TECR: variants seen among roughly 807,000 people sequenced by gnomAD.
TECR encodes the protein trans-2,3-enoyl-CoA reductase.
Under a neutral mutation model 50.6 loss-of-function variants are expected in TECR, and 19 were observed. The observed-to-expected ratio is 0.38, with a 90% confidence interval of 0.26 to 0.55. TECR has a LOEUF of 0.55. Ranked by LOEUF, TECR falls within the 20% of genes least tolerant of loss-of-function variation. The probability of loss-of-function intolerance (pLI) is 0.79; values close to 1 mark genes in which losing one functional copy is unlikely to be tolerated. For missense variants in TECR, 313 were observed against 408.3 expected (o/e 0.77, Z 2.01); for synonymous variants, 168 against 163.5 (o/e 1.03, Z -0.21).
At chr19:14,558,868 G>A (rs1041113518) in intron 1 of TECR, among the ~76,000 whole-genome samples, 10 of 152,124 alleles carry the variant, frequency 6.6e-5, no homozygotes, top group Non-Finnish European at 1.5e-5. Flanking sequence ...CCACCTCCCC[G>A]TCTGTGCTCA....
chr19:14,561,991 A>C, intron 1 of TECR: 3 of 237,016 alleles, frequency 1.3e-5, no homozygotes, highest in Non-Finnish European at 1.7e-5. Flanking sequence ...GGGGGCTGGG[A>C]GGTGTTGTCA....
chr19:14,564,980 C>T lies in TECR; in HGVS notation c.594C>T (p.Leu198=), dbSNP rs1489403921. The T allele has an allele frequency of 1.2e-6, 2 of 1,613,894 alleles. No homozygotes were observed. The highest frequency in any genetic ancestry group is 2.2e-5 in the South Asian group (2 of 91,086). ...GAGCTCAGCAGGTGAAACTGGCGCTCGCCATCTTTGTGGTAAGGAGGCTGG... is the reference window on the plus strand; with the variant it reads ...GAGCTCAGCAGGTGAAACTGGCGCTTGCCATCTTTGTGGTAAGGAGGCTGG... ...TYGAQQVKLA[L]AIFVICQLGN... The change falls in exon 9 of 13, where the codon CTC becomes CTT. Residue 198 remains leucine, a synonymous_variant. Transcript: ENST00000215567.
intron 1 of TECR, chr19:14,545,207 T>TCTGCTCCAGCCTGCTGCTTAG (rs1568408291): frequency 2.2e-6 from 1 of 456,744 alleles, no homozygotes; most frequent in South Asian, 1.5e-5. Flanking sequence ...TTGTCTTGGC[T>TCTGCTCCAGCCTGCTGCTTAG]CTGCTCCAGC....
intron 1 of TECR, among the ~76,000 whole-genome samples, chr19:14,550,470 C>G (rs531758230): frequency 5.9e-5 from 9 of 152,230 alleles, no homozygotes; most frequent in African/African-American, 2.2e-4. Context: ...GGCTCAGCCT[C>G]TGGCCCCCTT....
intron 7 of TECR, 48 bp downstream of exon 7, chr19:14,564,335 ACCCCGCCCCG>A: frequency 3.1e-6 from 3 of 959,738 alleles, no homozygotes; most frequent in Non-Finnish European, 2.5e-6. Flanking sequence ...TTTCTGCCCC[ACCCCGCCCCG>A]CCCCCACCGA....
chr19:14,534,924 C>G (rs1254850212), intron 1 of TECR, among the ~76,000 whole-genome samples: 1 of 152,174 alleles, frequency 6.6e-6, no homozygotes, highest in Non-Finnish European at 1.5e-5. Context: ...TGATGCTGCC[C>G]TAGGACAGCT....
chr19:14,565,850 C>T lies in TECR; in HGVS notation c.906C>T (p.Pro302=), dbSNP rs766788636. 27 of 1,596,196 alleles carry T rather than the reference C, an allele frequency of 1.7e-5. No homozygotes were observed. Among genetic ancestry groups the T allele is most frequent in the Admixed American group, 3.5e-5 (2 of 57,336 alleles). ...EFRDYPPLRM[P]IIPFLL ...GGGACTACCCGCCCCTGCGCATGCC[C>T]ATCATCCCCTTCCTGCTCTGAGCGC... The change falls in exon 13 of 13, where the codon CCC becomes CCT. Residue 302 remains proline, a synonymous_variant. Coordinates refer to ENST00000215567, the MANE Select transcript of TECR (RefSeq NM_138501.6).
chr19:14,563,341 T>C lies in TECR; in HGVS notation c.118+84T>C. The C allele has an allele frequency of 1.5e-6, 2 of 1,301,232 alleles. No individual in the cohort carries two copies. The highest frequency in any genetic ancestry group is 2.4e-5 in the South Asian group (2 of 83,762). 80.6% of individuals were successfully genotyped at this position (1,301,232 alleles called of 1,614,324 possible). ...TGGGAGGGATCCCATCCTGCACCCC[T>C]CTCCCAGGGGCCTGCAGAGATGCCC... is the stretch of plus-strand genomic sequence containing the variant. On this transcript the variant is annotated intron_variant, in intron 3 of 12. Coordinates refer to ENST00000215567, the MANE Select transcript of TECR (RefSeq NM_138501.6). This position sits in a 1 kb window ranked among gnomAD's most constrained non-coding sequence, Gnocchi z 5.3.
At position 14,562,588 on chromosome 19, in the gene TECR, C is replaced by T. The variant is rs373356292; in HGVS notation, c.66+13C>T. On this transcript the variant is annotated intron_variant, in intron 2 of 12. Transcript: ENST00000215567. ...TTTCTTGGACAAGGTAGGACTGGGG[C>T]GTGGGCTGCACTGGGCCAAGGGCAC... 5.0e-6 allele frequency: 8 copies of T among 1,613,982 alleles called. No homozygotes were observed. Among genetic ancestry groups the T allele is most frequent in the Middle Eastern group, 1.7e-4 (1 of 6,056 alleles).
chr19:14,559,137 G>T (rs2073831757), intron 1 of TECR, among the ~76,000 whole-genome samples: 2 of 152,194 alleles, frequency 1.3e-5, no homozygotes, highest in South Asian at 4.1e-4. Context: ...TGATGGGTAT[G>T]TGGGGCCTGT....
intron 1 of TECR, among the ~76,000 whole-genome samples, chr19:14,538,039 C>CACTCA (rs2072966578): frequency 6.6e-6 from 1 of 152,164 alleles, no homozygotes; most frequent in East Asian, 1.9e-4. Flanking sequence ...AGCCACTGCG[C>CACTCA]CGGCAGTGTG....
intron 1 of TECR, among the ~76,000 whole-genome samples, chr19:14,552,642 C>T (rs1413287968): frequency 6.6e-6 from 1 of 152,034 alleles, no homozygotes; most frequent in East Asian, 1.9e-4. Context: ...TCACGCCATT[C>T]TCCTGCCTCA....
chr19:14,548,734 C>T (rs771242737), intron 1 of TECR, among the ~76,000 whole-genome samples: 88 of 152,162 alleles, frequency 5.8e-4, no homozygotes, highest in African/African-American at 2.0e-3. Flanking sequence ...CGCATCACCA[C>T]GTCTGGCTAA....
intron 1 of TECR, chr19:14,545,611 C>A: frequency 5.0e-6 from 1 of 199,224 alleles, no homozygotes; most frequent in Admixed American, 5.4e-5. Context: ...CCATTCATCA[C>A]TGAGCCCAGC....
upstream of TECR, chr19:14,529,435 T>G (rs1048536783): frequency 4.8e-6 from 3 of 619,074 alleles, no homozygotes; most frequent in Non-Finnish European, 8.8e-6. Flanking sequence ...TTCCGCCCCC[T>G]TCGATTGGTC....
At chr19:14,542,457 G>T (rs1301253901) in intron 1 of TECR, among the ~76,000 whole-genome samples, 1 of 144,688 alleles carries the variant, frequency 6.9e-6, no homozygotes, top group African/African-American at 2.5e-5. Context: ...CGCCTCCCGG[G>T]TTCAATCAAT....
upstream of TECR, chr19:14,529,583 C>A: frequency 6.5e-7 from 1 of 1,535,414 alleles, no homozygotes. Context: ...GCGGGGCGGA[C>A]GCAGAGCCGC....
intron 1 of TECR, among the ~76,000 whole-genome samples, chr19:14,542,973 T>C (rs1445103627): frequency 6.7e-5 from 10 of 150,156 alleles, no homozygotes; most frequent in African/African-American, 2.5e-4. Context: ...TGCAGTCTCC[T>C]GGGTCCTTCC....
intron 1 of TECR, among the ~76,000 whole-genome samples, chr19:14,542,982 C>T (rs912221615): frequency 6.6e-6 from 1 of 150,428 alleles, no homozygotes; most frequent in African/African-American, 2.5e-5. Context: ...CTGGGTCCTT[C>T]CAAATTCTTT....
Sources: allele counts gnomAD v4.1 joint callset (sites outside exome capture counted in the v4.1 genomes callset), GRCh38; gene constraint gnomAD v4.1.1; non-coding constraint Gnocchi (gnomAD v3.1); transcripts MANE v1.5; gene names NCBI Gene and HGNC (gene_info 2026-07-23, HGNC 2026-07-21).